The following TSPAN13 variants were observed in gnomAD, a reference collection of about 807,000 sequenced individuals.
TSPAN13 encodes tetraspanin 13.
A neutral mutation model predicts 26.9 loss-of-function variants in TSPAN13; 18 were observed. That is an observed-to-expected ratio of 0.67 (90% CI 0.46 to 0.99). The LOEUF (loss-of-function observed/expected upper bound fraction) is 0.99, where lower values mean the gene tolerates loss of function less well. TSPAN13 is among the 50% of genes least tolerant of loss of function. The probability of loss-of-function intolerance (pLI) is 0.00; values close to 1 mark genes in which losing one functional copy is unlikely to be tolerated. For synonymous variants in TSPAN13, 116 were observed against 98.4 expected, an observed-to-expected ratio of 1.18 and a Z score of -1.06; for missense variants, 201 against 249.6, an observed-to-expected ratio of 0.81 and a Z score of 1.31.
chr7:16,783,729 C>T lies in TSPAN13; in HGVS notation c.*238C>T. On this transcript the variant is annotated 3_prime_UTR_variant, in exon 6 of 6. Coordinates refer to ENST00000262067, the MANE Select transcript of TSPAN13 (RefSeq NM_014399.4). ...GGTGGCACCTGGAATTTACTGTATT[C>T]ATTGTCGGGCACTGTCCACTGTGGC... The T allele has an allele frequency of 1.9e-6, 1 of 539,882 alleles. No individual in the cohort carries two copies. The highest frequency in any genetic ancestry group is 2.3e-5 in the South Asian group (1 of 42,580). The allele number at this position is 539,882 out of a possible 1,614,324, so 33.4% of individuals were successfully genotyped here. A position where few individuals can be genotyped will look rare whatever the true frequency, so the allele number is the denominator to read the frequency against.
At chr7:16,771,020 C>T (rs551138506) in intron 1 of TSPAN13, among the ~76,000 whole-genome samples, 1 of 152,200 alleles carries the variant, frequency 6.6e-6, no homozygotes, top group South Asian at 2.1e-4. Flanking sequence ...TTTGGAGATC[C>T]CAGTTATGCA....
intron 1 of TSPAN13, among the ~76,000 whole-genome samples, chr7:16,771,764 T>C (rs531824379): frequency 6.1e-4 from 93 of 152,344 alleles, no homozygotes; most frequent in African/African-American, 2.2e-3. Context: ...TGTGTTAATT[T>C]GCAAAAGCAG....
chr7:16,766,172 G>T (rs1162205753), intron 1 of TSPAN13, among the ~76,000 whole-genome samples: 1 of 152,172 alleles, frequency 6.6e-6, no homozygotes, highest in Non-Finnish European at 1.5e-5. Context: ...AAAATAATGT[G>T]TTAGAAACAC....
At chr7:16,781,188 A>G (rs1583797008) in intron 5 of TSPAN13, among the ~76,000 whole-genome samples, 1 of 152,258 alleles carries the variant, frequency 6.6e-6, no homozygotes, top group Non-Finnish European at 1.5e-5. Flanking sequence ...ACTACAAAAA[A>G]TTATGAAGAT....
intron 1 of TSPAN13, among the ~76,000 whole-genome samples, chr7:16,756,303 G>T (rs1043007137): frequency 6.6e-6 from 1 of 152,142 alleles, no homozygotes; most frequent in Admixed American, 6.5e-5. Flanking sequence ...ATTCTTTGTA[G>T]GTTCTAATCC....
chr7:16,776,973 G>A, intron 2 of TSPAN13, 69 bp from the exon 3 acceptor site: 4 of 1,053,312 alleles, frequency 3.8e-6, no homozygotes, highest in Non-Finnish European at 5.7e-6. Context: ...AAAGTTGTCA[G>A]TACCTCTGTA....
At chr7:16,781,745 A>AT (rs1239411268) in intron 5 of TSPAN13, among the ~76,000 whole-genome samples, 14 of 152,312 alleles carry the variant, frequency 9.2e-5, no homozygotes, top group African/African-American at 2.9e-4. Context: ...CATCCTCAAA[A>AT]ATTCTGACCA....
chr7:16,774,487 G>T (rs957345950), intron 1 of TSPAN13, among the ~76,000 whole-genome samples: 2 of 152,166 alleles, frequency 1.3e-5, no homozygotes, highest in African/African-American at 4.8e-5. Context: ...AGCTCCTGAA[G>T]GGAAATGTGT....
rs1228934997 is a variant in TSPAN13 at position 16,783,493 on chromosome 7, G to A, written c.*2G>A. The A allele has an allele frequency of 6.2e-7, 1 of 1,612,436 alleles. No individual in the cohort carries two copies. The highest frequency in any genetic ancestry group is 2.2e-5 in the East Asian group (1 of 44,880). On this transcript the variant is annotated 3_prime_UTR_variant, in exon 6 of 6. Coordinates refer to ENST00000262067, the MANE Select transcript of TSPAN13 (RefSeq NM_014399.4). ...GCGAATCCTAGTGCATTCCTTTGAT[G>A]AGAAAACAAGGAAGATTTCCTTTCG...
rs1784770657 is a variant in TSPAN13 at position 16,777,834 on chromosome 7, A to G, written c.349A>G (p.Ser117Gly). The part of the protein sequence containing the change: ...LLEVGWNNTA[S>G]ARNDIQRNLN... ...GGAGGTTGGTTGGAACAATACGGCAAGTGCTCGAAATGACATCCAGAGAAA... is the reference window on the plus strand; with the variant it reads ...GGAGGTTGGTTGGAACAATACGGCAGGTGCTCGAAATGACATCCAGAGAAA... Residue 117 changes from serine to glycine, a missense_variant, in exon 4 of 6, where the codon AGT becomes GGT. By Grantham distance (56) the Ser-to-Gly change is moderately conservative (BLOSUM62 0). Coordinates refer to ENST00000262067, the MANE Select transcript of TSPAN13 (RefSeq NM_014399.4). 1.2e-6 allele frequency: 2 copies of G among 1,613,974 alleles called. No individual in the cohort carries two copies. Among genetic ancestry groups the G allele is most frequent in the Non-Finnish European group, 1.7e-6 (2 of 1,179,882 alleles).
chr7:16,769,261 A>G (rs1341734209), intron 1 of TSPAN13, among the ~76,000 whole-genome samples: 1 of 152,230 alleles, frequency 6.6e-6, no homozygotes, highest in Admixed American at 6.5e-5. Flanking sequence ...TTTTGCAGAC[A>G]TGGGTGAAAA....
chr7:16,759,178 A>G (rs1784514747), intron 1 of TSPAN13, among the ~76,000 whole-genome samples: 1 of 152,180 alleles, frequency 6.6e-6, no homozygotes, highest in African/African-American at 2.4e-5. Context: ...GCCTGCATGG[A>G]AAGAAAACAG....
Position 16,781,746 on chromosome 7 carries a change from A to G in TSPAN13, c.541-1671A>G, listed in dbSNP as rs146027944. Among the ~76,000 whole-genome samples, 30 of 152,302 alleles carry G rather than the reference A, an allele frequency of 2.0e-4. No homozygotes were observed. In the East Asian group the frequency reaches 4.6e-3, roughly 23 times the overall value. On this transcript the variant is annotated intron_variant, in intron 5 of 5. Transcript: ENST00000262067. ...AGTCAAAATGTTAACATCCTCAAAA[A>G]TTCTGACCAGAAGCTCCCTGTGCTG...
chr7:16,766,451 G>C (rs1241314498), intron 1 of TSPAN13, among the ~76,000 whole-genome samples: 2 of 152,168 alleles, frequency 1.3e-5, no homozygotes, highest in East Asian at 3.8e-4. Flanking sequence ...CATGAAAATG[G>C]GATAGGGCAG....
At chr7:16,770,112 G>C (rs924684495) in intron 1 of TSPAN13, among the ~76,000 whole-genome samples, 1 of 151,382 alleles carries the variant, frequency 6.6e-6, no homozygotes, top group Non-Finnish European at 1.5e-5. Flanking sequence ...TCTTTTTTAA[G>C]TTTGCATTTT....
intron 1 of TSPAN13, among the ~76,000 whole-genome samples, chr7:16,775,026 G>C (rs1784726184): frequency 6.6e-6 from 1 of 152,046 alleles, no homozygotes; most frequent in South Asian, 2.1e-4. Flanking sequence ...TTGAGTAAGT[G>C]GTAATTTATT....
intron 1 of TSPAN13, among the ~76,000 whole-genome samples, chr7:16,761,431 T>A (rs1159170929): frequency 2.0e-5 from 3 of 152,254 alleles, no homozygotes; most frequent in Non-Finnish European, 4.4e-5. Context: ...GTTTTCCACA[T>A]TAAGCAGAAG....
intron 3 of TSPAN13, among the ~76,000 whole-genome samples, chr7:16,777,324 C>G (rs941535162): frequency 6.6e-6 from 1 of 152,162 alleles, no homozygotes; most frequent in Non-Finnish European, 1.5e-5. Flanking sequence ...TTTTCGGTAT[C>G]TTTTAAATCG....
chr7:16,773,387 A>G (rs1583793142), intron 1 of TSPAN13, among the ~76,000 whole-genome samples: 1 of 151,722 alleles, frequency 6.6e-6, no homozygotes, highest in East Asian at 1.9e-4. Flanking sequence ...TTAAAATTAT[A>G]TGAATTCAAA....
Sources: allele counts gnomAD v4.1 joint callset (sites outside exome capture counted in the v4.1 genomes callset), GRCh38; gene constraint gnomAD v4.1.1; transcripts MANE v1.5; gene names NCBI Gene and HGNC (gene_info 2026-07-23, HGNC 2026-07-21).